The following BANP variants were observed in gnomAD, a reference collection of about 807,000 sequenced individuals.
BANP encodes protein BANP.
Under a neutral mutation model 68.1 loss-of-function variants are expected in BANP, and 11 were observed. The ratio of observed to expected loss-of-function variants is 0.16; its 90% confidence interval spans 0.10 to 0.27. BANP has a LOEUF of 0.27. Ranked by LOEUF, BANP falls within the 10% of genes least tolerant of loss-of-function variation. BANP has a pLI of 1.00. For synonymous variants in BANP, 329 were observed against 303.2 expected, an observed-to-expected ratio of 1.09 and a Z score of -0.88; for missense variants, 504 against 722.7, an observed-to-expected ratio of 0.70 and a Z score of 3.47.
At chr16:87,966,198 G>T (rs532535760) in intron 1 of BANP, among the ~76,000 whole-genome samples, 9 of 152,264 alleles carry the variant, frequency 5.9e-5, no homozygotes, top group African/African-American at 2.2e-4. Context: ...ATCTGGATGG[G>T]CGTGGATTCT....
intron 8 of BANP, among the ~76,000 whole-genome samples, chr16:88,029,405 C>T (rs536340542): frequency 3.3e-5 from 5 of 149,294 alleles, no homozygotes; most frequent in Admixed American, 6.7e-5. Context: ...GTCAGGAGAT[C>T]GAGACCATCC....
chr16:88,020,228 C>T (rs1489799835), intron 7 of BANP, among the ~76,000 whole-genome samples: 3 of 152,228 alleles, frequency 2.0e-5, no homozygotes, highest in Admixed American at 6.5e-5. Flanking sequence ...TGTTCAACTG[C>T]TTAGCTCTGA....
At chr16:88,034,217 C>T (rs1015600139) in intron 9 of BANP, among the ~76,000 whole-genome samples, 3 of 152,190 alleles carry the variant, frequency 2.0e-5, no homozygotes, top group African/African-American at 7.2e-5. Context: ...AATAGTGAAT[C>T]TTATTTAATA....
At chr16:87,989,815 GACACA>G in intron 4 of BANP, among the ~76,000 whole-genome samples, 1 of 118,158 alleles carries the variant, frequency 8.5e-6, no homozygotes, top group Non-Finnish European at 1.7e-5. Context: ...CAGGACACAG[GACACA>G]GGGCGGGTGA....
In BANP at chr16:88,015,091, C is replaced by A. The variant is rs62049279; in HGVS notation, c.656-3337C>A. ...CCTCTGCTCGTCTCCTCTGCCTGTC[C>A]CCTCTGCCCGTCCCTCTGCCTGTCC... On this transcript the variant is annotated intron_variant, in intron 6 of 13. Coordinates refer to ENST00000682872, the MANE Select transcript of BANP (RefSeq NM_001386991.1). Among the ~76,000 whole-genome samples, 186 of 145,644 alleles carry A rather than the reference C, an allele frequency of 1.3e-3. 1 individual carries two copies. The East Asian group carries it at 0.032, about 25-fold the overall frequency.
intron 7 of BANP, among the ~76,000 whole-genome samples, chr16:88,021,349 C>G (rs576925703): frequency 6.6e-6 from 1 of 152,280 alleles, no homozygotes; most frequent in East Asian, 1.9e-4. Context: ...CCTGGGCTTG[C>G]TCACAGTGCC....
In BANP at chr16:88,024,928, C is replaced by G. The variant is rs981459810; in HGVS notation, c.896-2555C>G. On this transcript the variant is annotated intron_variant, in intron 7 of 13. Transcript: ENST00000682872. ...GAATGTTTTCACCCATTTCTCTTAC[C>G]TATACACCTGGGTGTTTTAGATTTA... Among the ~76,000 whole-genome samples, 7 of 152,184 alleles carry G rather than the reference C, an allele frequency of 4.6e-5. No homozygotes were observed. The South Asian group carries it at 1.0e-3, about 22-fold the overall frequency.
At position 88,057,362 on chromosome 16, in the gene BANP, G is replaced by A. The variant is rs1035530891; in HGVS notation, c.1312-7905G>A. On this transcript the variant is annotated intron_variant, in intron 11 of 13. Transcript: ENST00000682872. The surrounding 1 kb of genome is among the most constrained non-coding windows in gnomAD (Gnocchi z 4.6). ...GAAGGCTACCAGAGTAGCTGCCTGCGAAAGGAAACCTGGGCGTTACTGCTG... is the reference window on the plus strand; with the variant it reads ...GAAGGCTACCAGAGTAGCTGCCTGCAAAAGGAAACCTGGGCGTTACTGCTG... 1.3e-5 allele frequency among the ~76,000 whole-genome samples: 2 copies of A among 152,150 alleles called. No homozygotes were observed. Among genetic ancestry groups the A allele is most frequent in the Non-Finnish European group, 1.5e-5 (1 of 68,034 alleles).
chr16:88,059,613 G>A (rs887145961), intron 11 of BANP, among the ~76,000 whole-genome samples: 2 of 152,120 alleles, frequency 1.3e-5, no homozygotes, highest in African/African-American at 2.4e-5. Context: ...TCGGCCCCAC[G>A]TTCCTGCAGG....
At chr16:87,961,364 G>A (rs1269245625) in intron 1 of BANP, among the ~76,000 whole-genome samples, 3 of 150,556 alleles carry the variant, frequency 2.0e-5, no homozygotes, top group East Asian at 1.9e-4. Context: ...GGGTTTTGCT[G>A]TGTTGCCCGG....
intron 4 of BANP, among the ~76,000 whole-genome samples, chr16:87,991,197 C>T (rs7203599): frequency 0.24 from 36,584 of 152,084 alleles, 4,878 homozygotes; most frequent in East Asian, 0.49. Context: ...GTTTACATAC[C>T]TACAACTTCA....
chr16:88,014,205 G>A (rs1265958811), intron 6 of BANP, among the ~76,000 whole-genome samples: 1 of 152,230 alleles, frequency 6.6e-6, no homozygotes, highest in Non-Finnish European at 1.5e-5. Flanking sequence ...CTGCAGTGCA[G>A]GAGGAGTCAC....
At chr16:87,968,994 A>T (rs2060630729) in intron 1 of BANP, among the ~76,000 whole-genome samples, 1 of 152,160 alleles carries the variant, frequency 6.6e-6, no homozygotes, top group Admixed American at 6.5e-5. Flanking sequence ...GGTCTTCTGT[A>T]TCTTAACCTG....
intron 2 of BANP, among the ~76,000 whole-genome samples, chr16:87,979,724 C>T (rs927079844): frequency 6.6e-6 from 1 of 152,164 alleles, no homozygotes; most frequent in Non-Finnish European, 1.5e-5. Context: ...AGAAGTGTTA[C>T]AATACGCATG....
chr16:88,005,935 G>C (rs571728973), intron 5 of BANP, among the ~76,000 whole-genome samples, 155 bp from the exon 6 acceptor site: 24 of 152,316 alleles, frequency 1.6e-4, no homozygotes, highest in Admixed American at 6.5e-5. Context: ...CTCCCATGGA[G>C]TTTCTATTAA....
intron 4 of BANP, among the ~76,000 whole-genome samples, chr16:87,985,456 T>C (rs2064177971): frequency 6.6e-6 from 1 of 152,120 alleles, no homozygotes; most frequent in Non-Finnish European, 1.5e-5. Context: ...GCTGTTGGGC[T>C]CCCAGGTCAG....
In BANP at chr16:88,004,441, C is replaced by T; in HGVS notation, c.479+30C>T. 8.0e-7 allele frequency: 1 copy of T among 1,254,130 alleles called. No homozygotes were observed. The highest frequency in any genetic ancestry group is 1.1e-6 in the Non-Finnish European group (1 of 891,280). The allele number at this position is 1,254,130 out of a possible 1,614,324, so 77.7% of individuals were successfully genotyped here. On this transcript the variant is annotated intron_variant, in intron 5 of 13. Transcript: ENST00000682872. The surrounding 1 kb of genome is among the most constrained non-coding windows in gnomAD (Gnocchi z 7.0). ...GTAGCACGGCACCAACCCCACCTTT[C>T]CCTGCCACTGTGCGGAGTCCCATGA...
intron 9 of BANP, 167 bp from the exon 10 acceptor site, chr16:88,035,156 A>C (rs2079040249): frequency 1.4e-6 from 1 of 691,990 alleles, no homozygotes; most frequent in South Asian, 1.9e-5. Flanking sequence ...TGTGAACCAA[A>C]AGCTTAATTT....
At chr16:88,073,150 C>T (rs1255740057) in intron 13 of BANP, among the ~76,000 whole-genome samples, 1 of 152,228 alleles carries the variant, frequency 6.6e-6, no homozygotes, top group Non-Finnish European at 1.5e-5. Context: ...TCAGGAGGCG[C>T]TTGCTGAAGA....
Sources: gnomAD v4.1 joint callset for allele counts (sites outside exome capture counted in the v4.1 genomes callset) on GRCh38, gnomAD v4.1.1 for gene constraint, Gnocchi (gnomAD v3.1) non-coding constraint, MANE v1.5 for transcripts, NCBI Gene and HGNC (gene_info 2026-07-23, HGNC 2026-07-21) for gene names.